The following LRRC4B variants were observed in gnomAD, a reference collection of about 807,000 sequenced individuals.
LRRC4B encodes leucine rich repeat containing 4B.
A neutral mutation model predicts 7.3 loss-of-function variants in LRRC4B; 1 was observed. That is an observed-to-expected ratio of 0.14 (90% CI 0.05 to 0.65). The LOEUF (loss-of-function observed/expected upper bound fraction) is 0.65. LRRC4B is among the 30% of genes least tolerant of loss of function. The pLI, the probability that LRRC4B is intolerant of heterozygous loss-of-function variation, is 0.84. For synonymous variants in LRRC4B, 500 were observed against 499.2 expected (o/e 1.00, Z -0.02); for missense variants, 730 against 1,041.6 (o/e 0.70, Z 4.12).
At position 50,518,042 on chromosome 19, in the gene LRRC4B, G is replaced by T. The variant is rs1980370355; in HGVS notation, c.1671C>A (p.Ile557=). 1 of 1,572,076 alleles carries T rather than the reference G, an allele frequency of 6.4e-7. No homozygotes were observed. ...TGAGGGCGTTCTCCGTCACATCCGTGATGGGCACCGTGAACGCCTTCTCCG... is the reference window on the plus strand; with the variant it reads ...TGAGGGCGTTCTCCGTCACATCCGTTATGGGCACCGTGAACGCCTTCTCCG... The part of the protein sequence containing the change: ...RPTEKAFTVP[I]TDVTENALKD... Residue 557 remains isoleucine, a synonymous_variant, in exon 3 of 3, where the codon ATC becomes ATA. Coordinates refer to ENST00000652263, the MANE Select transcript of LRRC4B (RefSeq NM_001080457.2).
At chr19:50,550,462 C>T (rs534171610) in intron 1 of LRRC4B, among the ~76,000 whole-genome samples, 2 of 74,580 alleles carry the variant, frequency 2.7e-5, no homozygotes, top group East Asian at 2.8e-4. Context: ...ACTCTCAGGA[C>T]CCCCCTCTCA....
intron 2 of LRRC4B, among the ~76,000 whole-genome samples, chr19:50,525,406 C>CTTT (rs34552136): frequency 1.5e-5 from 2 of 136,028 alleles, no homozygotes. Flanking sequence ...AAGAACCGTA[C>CTTT]TTTTTTTTTT....
In LRRC4B at chr19:50,517,898, G is replaced by T; in HGVS notation, c.1815C>A (p.Leu605=). Residue 605 remains leucine (L), a synonymous_variant, in exon 3 of 3, where the codon CTC becomes CTA. Transcript: ENST00000652263. This position sits in a 1 kb window ranked among gnomAD's most constrained non-coding sequence, Gnocchi z 6.6. ...AFYKLRKQHQ[L]HKHHGPTRTV... is the part of the protein sequence containing the mutation. ...TGCGCGTGGGCCCGTGGTGCTTGTG[G>T]AGCTGGTGCTGCTTGCGCAGCTTGT... 1 of 1,590,738 alleles carries T rather than the reference G, an allele frequency of 6.3e-7. No homozygotes were observed. The highest frequency in any genetic ancestry group is 8.5e-7 in the Non-Finnish European group (1 of 1,172,462).
chr19:50,517,500 C>G lies in LRRC4B; in HGVS notation c.*71G>C, dbSNP rs1183659606. ...GCTGGGCTGTGGGAGGGAGGGGTCCCGGTCAGGCTGCGCCCGGGCTGGGAC... is the reference window on the plus strand; with the variant it reads ...GCTGGGCTGTGGGAGGGAGGGGTCCGGGTCAGGCTGCGCCCGGGCTGGGAC... On this transcript the variant is annotated 3_prime_UTR_variant, in exon 3 of 3. Coordinates refer to ENST00000652263, the MANE Select transcript of LRRC4B (RefSeq NM_001080457.2). The surrounding 1 kb of genome is among the most constrained non-coding windows in gnomAD (Gnocchi z 6.6). 7.7e-7 allele frequency: 1 copy of G among 1,302,470 alleles called. No homozygotes were observed. The highest frequency in any genetic ancestry group is 9.9e-7 in the Non-Finnish European group (1 of 1,014,314). The allele number at this position is 1,302,470 out of a possible 1,614,324, so 80.7% of individuals were successfully genotyped here.
At position 50,555,203 on chromosome 19, in the gene LRRC4B, A is replaced by G. The variant is rs950735565; in HGVS notation, c.-35-6330T>C. 3.9e-5 allele frequency among the ~76,000 whole-genome samples: 6 copies of G among 152,106 alleles called. No individual in the cohort carries two copies. Among genetic ancestry groups the G allele is most frequent in the Non-Finnish European group, 7.4e-5 (5 of 68,016 alleles). On this transcript the variant is annotated intron_variant, in intron 1 of 2. Transcript: ENST00000652263. This position sits in a 1 kb window ranked among gnomAD's most constrained non-coding sequence, Gnocchi z 5.2. ...CTCCCCACGGCCCTGGGAGGAAGGG[A>G]TGGTTCTTGTGCCCATTTTACAGAT...
intron 2 of LRRC4B, among the ~76,000 whole-genome samples, chr19:50,532,489 G>C (rs1461716090): frequency 6.6e-6 from 1 of 152,152 alleles, no homozygotes; most frequent in African/African-American, 2.4e-5. Context: ...GATGCATGGG[G>C]TTCCCTCTGC....
Position 50,548,831 on chromosome 19 carries a change from C to G in LRRC4B, c.8G>C (p.Arg3Pro), listed in dbSNP as rs757301098. MA[R>P]ARGSPCPPLP... ...CGGGGGGCACGGGGAGCCGCGGGCA[C>G]GCGCCATCCTCAATGTTCATGCTCC... The change falls in exon 2 of 3, where the codon CGT becomes CCT. Residue 3 changes from arginine (R) to proline (P), a missense_variant. This residue lies in a region of LRRC4B where 143 missense variants were observed against 158.4 expected (regional missense o/e 0.90). Coordinates refer to ENST00000652263, the MANE Select transcript of LRRC4B (RefSeq NM_001080457.2). This position sits in a 1 kb window ranked among gnomAD's most constrained non-coding sequence, Gnocchi z 6.8. 25 of 1,477,722 alleles carry G rather than the reference C, an allele frequency of 1.7e-5. No homozygotes were observed. Among genetic ancestry groups the G allele is most frequent in the Admixed American group, 4.6e-5 (2 of 43,298 alleles). The allele number at this position is 1,477,722 out of a possible 1,614,324, so 91.5% of individuals were successfully genotyped here. A position where few individuals can be genotyped will look rare whatever the true frequency, so the allele number is the denominator to read the frequency against.
chr19:50,530,310 G>A (rs1381643280), intron 2 of LRRC4B, among the ~76,000 whole-genome samples: 4 of 152,122 alleles, frequency 2.6e-5, no homozygotes, highest in Admixed American at 2.0e-4. Context: ...GCCCTGCCTG[G>A]GCATCTGCCT....
At position 50,548,450 on chromosome 19, in the gene LRRC4B, CG is replaced by C; in HGVS notation, c.297+91del. 6.7e-7 allele frequency: 1 copy of C among 1,490,582 alleles called. No individual in the cohort carries two copies. Among genetic ancestry groups the C allele is most frequent in the African/African-American group, 1.4e-5 (1 of 72,374 alleles). 92.3% of individuals were successfully genotyped at this position (1,490,582 alleles called of 1,614,324 possible). A position where few individuals can be genotyped will look rare whatever the true frequency, so the allele number is the denominator to read the frequency against. On this transcript the variant is annotated intron_variant, in intron 2 of 2. Transcript: ENST00000652263. The surrounding 1 kb of genome is among the most constrained non-coding windows in gnomAD (Gnocchi z 6.8). Reference sequence around the variant, plus strand: ...ACAGGTGCCGGAGACGGGGAAGCCCCGGTGTGGGGAGGCCCAGAAGGGATGG... The same window carrying C: ...ACAGGTGCCGGAGACGGGGAAGCCCCGTGTGGGGAGGCCCAGAAGGGATGG...
Position 50,548,484 on chromosome 19 carries a change from C to T in LRRC4B, c.297+58G>A. 1.3e-6 allele frequency: 2 copies of T among 1,542,910 alleles called. No individual in the cohort carries two copies. The highest frequency in any genetic ancestry group is 1.7e-6 in the Non-Finnish European group (2 of 1,150,898). On this transcript the variant is annotated intron_variant, in intron 2 of 2. Coordinates refer to ENST00000652263, the MANE Select transcript of LRRC4B (RefSeq NM_001080457.2). This position sits in a 1 kb window ranked among gnomAD's most constrained non-coding sequence, Gnocchi z 6.8. ...GAGGCCCAGAAGGGATGGGCTACAT[C>T]TGCATGCCTCCCCAGTGTCCCCTCC...
intron 2 of LRRC4B, among the ~76,000 whole-genome samples, chr19:50,522,961 G>A (rs1363504239): frequency 1.3e-5 from 2 of 152,232 alleles, no homozygotes; most frequent in African/African-American, 4.8e-5. Context: ...GATGAATTAG[G>A]CCCAGGGAGG....
chr19:50,518,744 G>A lies in LRRC4B; in HGVS notation c.969C>T (p.Ser323=), dbSNP rs199693671. Residue 323 remains serine, a synonymous_variant, in exon 3 of 3, where the codon AGC becomes AGT. Transcript: ENST00000652263. Reference sequence around the variant, plus strand: ...TGGGCACCGTCTCCTTGAGCCACCAGCTCAGCCAGAGCACGTCGCAGTTGC... The same window carrying A: ...TGGGCACCGTCTCCTTGAGCCACCAACTCAGCCAGAGCACGTCGCAGTTGC... ...WHCNCDVLWL[S]WWLKETVPSN... 188 of 1,614,040 alleles carry A rather than the reference G, an allele frequency of 1.2e-4. No homozygotes were observed. The East Asian group carries it at 4.2e-3, about 36-fold the overall frequency.
intron 2 of LRRC4B, among the ~76,000 whole-genome samples, chr19:50,538,541 T>C (rs1171487981): frequency 2.0e-5 from 3 of 151,330 alleles, no homozygotes; most frequent in African/African-American, 7.3e-5. Flanking sequence ...TTTATTTGGT[T>C]AGTTTGGGTT....
intron 2 of LRRC4B, among the ~76,000 whole-genome samples, chr19:50,547,365 G>A (rs1981860378): frequency 6.6e-6 from 1 of 152,222 alleles, no homozygotes; most frequent in Admixed American, 6.5e-5. Context: ...TGGCTCTCAG[G>A]ATGGTCAGAT....
At chr19:50,544,418 A>T (rs1981706822) in intron 2 of LRRC4B, among the ~76,000 whole-genome samples, 1 of 151,968 alleles carries the variant, frequency 6.6e-6, no homozygotes, top group Non-Finnish European at 1.5e-5. Flanking sequence ...GAGGCAGGAG[A>T]ATGGCGTGAA....
intron 2 of LRRC4B, among the ~76,000 whole-genome samples, chr19:50,520,248 GAAGAAAAGAAAA>G (rs1980515303): frequency 6.9e-5 from 1 of 14,452 alleles, no homozygotes; most frequent in Non-Finnish European, 1.1e-4. Flanking sequence ...AAAAAAAAAA[GAAGAAAAGAAAA>G]GAAAAATGAA....
chr19:50,552,053 G>A (rs574612221), intron 1 of LRRC4B, among the ~76,000 whole-genome samples: 154 of 152,190 alleles, frequency 1.0e-3, no homozygotes, highest in Admixed American at 1.8e-3. Flanking sequence ...CGGGGGAAGC[G>A]GGGGAGGAAG....
Position 50,548,940 on chromosome 19 carries a change from T to G in LRRC4B, c.-35-67A>C. The G allele has an allele frequency of 1.2e-6, 1 of 855,262 alleles. No homozygotes were observed. Among genetic ancestry groups the G allele is most frequent in the Non-Finnish European group, 1.7e-6 (1 of 573,038 alleles). The allele number at this position is 855,262 out of a possible 1,614,324, so 53.0% of individuals were successfully genotyped here. A position where few individuals can be genotyped will look rare whatever the true frequency, so the allele number is the denominator to read the frequency against. On this transcript the variant is annotated intron_variant, in intron 1 of 2. Coordinates refer to ENST00000652263, the MANE Select transcript of LRRC4B (RefSeq NM_001080457.2). This position sits in a 1 kb window ranked among gnomAD's most constrained non-coding sequence, Gnocchi z 6.8. ...CAGGAGCCCATGTGGCCTGGGTGCT[T>G]GCCAACACCCAGGCAGCCCCATCGC...
At position 50,553,844 on chromosome 19, in the gene LRRC4B, C is replaced by T. The variant is rs971766225; in HGVS notation, c.-35-4971G>A. On this transcript the variant is annotated intron_variant, in intron 1 of 2. Transcript: ENST00000652263. This position sits in a 1 kb window ranked among gnomAD's most constrained non-coding sequence, Gnocchi z 4.2. ...ATCACTGTGAGTCTATTTCCCCCCA[C>T]GCTCACACACAGATACCCCCACTCT... Among the ~76,000 whole-genome samples the T allele has an allele frequency of 1.1e-4, 16 of 151,966 alleles. No individual in the cohort carries two copies. The highest frequency in any genetic ancestry group is 1.5e-4 in the Non-Finnish European group (10 of 68,006).
Sources: allele counts gnomAD v4.1 joint callset (sites outside exome capture counted in the v4.1 genomes callset), GRCh38; gene constraint gnomAD v4.1.1; regional missense constraint gnomAD v4.1.1; non-coding constraint Gnocchi (gnomAD v3.1); transcripts MANE v1.5; gene names NCBI Gene and HGNC (gene_info 2026-07-23, HGNC 2026-07-21).